THSD7B: variants seen among roughly 807,000 people sequenced by gnomAD.
THSD7B encodes the protein thrombospondin type-1 domain-containing protein 7B.
A neutral mutation model predicts 213.6 loss-of-function variants in THSD7B; 138 were observed. The observed-to-expected ratio is 0.65, with a 90% CI of 0.56 to 0.74. The LOEUF is 0.74. Ranked by LOEUF, THSD7B falls within the 30% of genes least tolerant of loss-of-function variation. The pLI is 0.00. For missense variants in THSD7B, 1,931 were observed against 1,991.5 expected (o/e 0.97, Z 0.58); for synonymous variants, 742 against 687.0 (o/e 1.08, Z -1.25).
chr2:136,944,430 A>C (rs1349440305), intron 2 of THSD7B, among the ~76,000 whole-genome samples: 1 of 152,106 alleles, frequency 6.6e-6, no homozygotes, highest in Non-Finnish European at 1.5e-5. Flanking sequence ...CAAGTCCTGG[A>C]TATCCTTGTT....
chr2:137,661,842 G>A (rs1416382299), intron 25 of THSD7B, among the ~76,000 whole-genome samples: 1 of 152,118 alleles, frequency 6.6e-6, no homozygotes, highest in African/African-American at 2.4e-5. Context: ...TGGCCTGCCA[G>A]GACTTGGGAG....
rs563603896 is a variant in THSD7B at position 136,894,611 on chromosome 2, A to C, written c.139+12294A>C. Among the ~76,000 whole-genome samples the C allele has an allele frequency of 2.5e-4, 38 of 152,266 alleles. No homozygotes were observed. In the South Asian group the frequency reaches 3.7e-3, roughly 15 times the overall value. Reference sequence around the variant, plus strand: ...ATTACGTGCTTGAGTCATATAAAGCATGTAACTAATGCTACTTTTTATTTC... The same window carrying C: ...ATTACGTGCTTGAGTCATATAAAGCCTGTAACTAATGCTACTTTTTATTTC... On this transcript the variant is annotated intron_variant, in intron 2 of 27. Coordinates refer to ENST00000409968, the MANE Select transcript of THSD7B (RefSeq NM_001316349.2).
intron 5 of THSD7B, among the ~76,000 whole-genome samples, chr2:137,140,994 T>C (rs1159465055): frequency 6.6e-6 from 1 of 152,172 alleles, no homozygotes; most frequent in Non-Finnish European, 1.5e-5. Flanking sequence ...TGAGACTGTA[T>C]CTCTCTATGA....
At chr2:137,076,660 A>G (rs1193413312) in intron 3 of THSD7B, among the ~76,000 whole-genome samples, 1 of 152,152 alleles carries the variant, frequency 6.6e-6, no homozygotes, top group African/African-American at 2.4e-5. Context: ...AAATGCAGAA[A>G]TCACCCATCT....
chr2:136,855,570 T>G (rs1683164448), intron 1 of THSD7B, among the ~76,000 whole-genome samples: 1 of 151,120 alleles, frequency 6.6e-6, no homozygotes, highest in African/African-American at 2.4e-5. Flanking sequence ...GGATTACAGG[T>G]GCGTGCCACC....
intron 17 of THSD7B, among the ~76,000 whole-genome samples, chr2:137,574,640 A>G (rs924006928): frequency 2.0e-5 from 3 of 152,118 alleles, no homozygotes; most frequent in Admixed American, 2.0e-4. Context: ...TTCAGATGCT[A>G]TGCTGTACTT....
intron 12 of THSD7B, among the ~76,000 whole-genome samples, chr2:137,303,352 T>C (rs7605864): frequency 0.93 from 141,979 of 152,186 alleles, 66,561 homozygotes; most frequent in Non-Finnish European, 0.98. Context: ...TTTTGTACTA[T>C]GACCTTTGCA....
intron 7 of THSD7B, among the ~76,000 whole-genome samples, chr2:137,213,532 A>G (rs1681169540): frequency 1.3e-5 from 2 of 149,524 alleles, no homozygotes. Flanking sequence ...ATTTAATAGT[A>G]TGATATGGTA....
chr2:137,405,954 A>G, intron 13 of THSD7B, 147 bp downstream of exon 13: 1 of 638,734 alleles, frequency 1.6e-6, no homozygotes, highest in South Asian at 2.3e-5. Flanking sequence ...AACTCAGAAC[A>G]ATGCCTGGTA....
At chr2:137,429,576 G>A (rs1342137997) in intron 14 of THSD7B, among the ~76,000 whole-genome samples, 1 of 152,182 alleles carries the variant, frequency 6.6e-6, no homozygotes, top group Non-Finnish European at 1.5e-5. Context: ...TTAATTAAAT[G>A]TAAAACATAC....
chr2:136,969,856 A>G (rs1378911688), intron 2 of THSD7B, among the ~76,000 whole-genome samples: 2 of 152,194 alleles, frequency 1.3e-5, no homozygotes, highest in South Asian at 2.1e-4. Flanking sequence ...TCAGTGTTCA[A>G]TGTGTAATAT....
chr2:137,193,043 G>A (rs1385139845), intron 7 of THSD7B, among the ~76,000 whole-genome samples: 1 of 152,068 alleles, frequency 6.6e-6, no homozygotes, highest in Non-Finnish European at 1.5e-5. Context: ...CACTAACTGT[G>A]GAAACAGTTC....
At chr2:137,466,279 C>T (rs1687988854) in intron 15 of THSD7B, among the ~76,000 whole-genome samples, 1 of 152,068 alleles carries the variant, frequency 6.6e-6, no homozygotes, top group Non-Finnish European at 1.5e-5. Context: ...TTCATTTATT[C>T]ATCACACACT....
At chr2:137,078,862 G>C (rs1326098064) in intron 3 of THSD7B, among the ~76,000 whole-genome samples, 1 of 151,842 alleles carries the variant, frequency 6.6e-6, no homozygotes, top group African/African-American at 2.4e-5. Context: ...TTTTACTCAA[G>C]GTTTGTTAAA....
intron 1 of THSD7B, among the ~76,000 whole-genome samples, chr2:136,816,978 T>G (rs1682484258): frequency 6.6e-6 from 1 of 152,200 alleles, no homozygotes; most frequent in Non-Finnish European, 1.5e-5. Flanking sequence ...GTATTGCAAT[T>G]GATTCTCTCC....
In THSD7B at chr2:137,411,759, G is replaced by A. The variant is rs747610267; in HGVS notation, c.2846G>A (p.Gly949Glu). The A allele has an allele frequency of 6.2e-7, 1 of 1,613,940 alleles. No individual in the cohort carries two copies. Among genetic ancestry groups the A allele is most frequent in the Non-Finnish European group, 8.5e-7 (1 of 1,179,904 alleles). ...GAAGGCAGAAGGGAGCCTCACCGAG[G>A]ACTGCGGGTACAAGCAGACAGCAAA... ...LPEGRREPHR[G>E]LRVQADSKEC... Residue 949 changes from glycine to glutamate, a missense_variant, in exon 14 of 28, where the codon GGA (glycine) becomes GAA (glutamate). Transcript: ENST00000409968.
intron 12 of THSD7B, among the ~76,000 whole-genome samples, chr2:137,372,144 T>C (rs1272655407): frequency 6.6e-6 from 1 of 152,006 alleles, no homozygotes; most frequent in Non-Finnish European, 1.5e-5. Flanking sequence ...TTGTACTGAA[T>C]GGACGTCCAA....
intron 7 of THSD7B, among the ~76,000 whole-genome samples, chr2:137,182,988 A>G (rs1266452632): frequency 1.3e-5 from 2 of 152,112 alleles, no homozygotes; most frequent in Non-Finnish European, 2.9e-5. Context: ...GTCAGCTCTT[A>G]TCATTATTAT....
chr2:136,958,221 C>T (rs773153522), intron 2 of THSD7B, among the ~76,000 whole-genome samples: 9 of 152,058 alleles, frequency 5.9e-5, no homozygotes, highest in Admixed American at 2.0e-4. Context: ...GCAAAAGTGA[C>T]GCTAAAGATT....
Sources: allele counts gnomAD v4.1 joint callset (sites outside exome capture counted in the v4.1 genomes callset), GRCh38; gene constraint gnomAD v4.1.1; transcripts MANE v1.5; gene names NCBI Gene and HGNC (gene_info 2026-07-23, HGNC 2026-07-21).